The following ADAM8 variants were observed in gnomAD, a reference collection of about 807,000 sequenced individuals.
ADAM8 encodes the protein disintegrin and metalloproteinase domain-containing protein 8.
A neutral mutation model predicts 102.4 loss-of-function variants in ADAM8; 104 were observed. The observed-to-expected ratio is 1.02, with a 90% confidence interval of 0.87 to 1.20. The LOEUF is 1.20. Among genes scored for constraint, ADAM8 ranks in the 50% most tolerant of loss-of-function variants. The probability of loss-of-function intolerance (pLI) is 0.00; values close to 1 mark genes in which losing one functional copy is unlikely to be tolerated. For missense variants in ADAM8, 1,132 were observed against 1,159.0 expected, an observed-to-expected ratio of 0.98 and a Z score of 0.34; for synonymous variants, 517 against 485.2, an observed-to-expected ratio of 1.07 and a Z score of -0.86.
intron 20 of ADAM8, among the ~76,000 whole-genome samples, 187 bp downstream of exon 20, chr10:133,267,742 C>T (rs1296636200): frequency 2.6e-5 from 4 of 152,256 alleles, no homozygotes; most frequent in Non-Finnish European, 4.4e-5. Context: ...CTGGGAAGTG[C>T]CCACTCCCAA....
chr10:133,264,294 C>T (rs1159587047), intron 21 of ADAM8, among the ~76,000 whole-genome samples: 1 of 152,112 alleles, frequency 6.6e-6, no homozygotes, highest in African/African-American at 2.4e-5. Context: ...CTCCTGGGCT[C>T]AAGTGATCCT....
chr10:133,264,135 C>T (rs1288312511), intron 21 of ADAM8, among the ~76,000 whole-genome samples: 1 of 148,400 alleles, frequency 6.7e-6, no homozygotes, highest in Non-Finnish European at 1.5e-5. Flanking sequence ...GATGTTGGCT[C>T]ACTGCAGCTT....
chr10:133,276,019 C>T (rs989902580), intron 1 of ADAM8: 12 of 162,922 alleles, frequency 7.4e-5, no homozygotes, highest in African/African-American at 2.2e-4. Flanking sequence ...AAGTGCCTCC[C>T]GGAGGCTGTT....
intron 21 of ADAM8, among the ~76,000 whole-genome samples, chr10:133,266,026 C>T (rs1217261214): frequency 6.6e-6 from 1 of 152,124 alleles, no homozygotes; most frequent in African/African-American, 2.4e-5. Flanking sequence ...CCCCCGTGAC[C>T]GAAGCTGCAT....
chr10:133,269,138 A>C, intron 18 of ADAM8: 1 of 985,416 alleles, frequency 1.0e-6, no homozygotes, highest in African/African-American at 1.7e-5. Context: ...CCGGGGAGGA[A>C]ATGCTGGGTG....
chr10:133,268,181 G>A (rs532766486), intron 19 of ADAM8, 63 bp from the exon 20 acceptor site: 98 of 1,227,160 alleles, frequency 8.0e-5, no homozygotes, highest in South Asian at 2.9e-4. Context: ...ACCACACCCC[G>A]AGTCTCTCCC....
At position 133,270,783 on chromosome 10, in the gene ADAM8, G is replaced by A. The variant is rs530968981; in HGVS notation, c.1587C>T (p.Ser529=). The part of the protein sequence containing the change: ...WGPGGQAAEE[S]CFSYDILPGC... ...CTGGTAGGATGTCATAGGAGAAGCA[G>A]GACTCCTCGGCAGCCTGCCCACCTG... The change falls in exon 15 of 23, where the codon TCC becomes TCT. Residue 529 remains serine (S), a synonymous_variant. Transcript: ENST00000445355. 6.2e-7 allele frequency: 1 copy of A among 1,606,670 alleles called. No homozygotes were observed. Among genetic ancestry groups the A allele is most frequent in the Non-Finnish European group, 8.5e-7 (1 of 1,176,042 alleles).
Position 133,271,062 on chromosome 10 carries a change from C to A in ADAM8, c.1383G>T (p.Pro461=). ...GTCCQECKVK[P]AGELCRPKKD... ...TCTTGGGACGGCACAGCTCACCAGC[C>A]GGCTTCACCTGGCCCAGCAGAGAAC... Residue 461 remains proline, a synonymous_variant, in exon 14 of 23, where the codon CCG becomes CCT. Transcript: ENST00000445355. 1 of 1,610,572 alleles carries A rather than the reference C, an allele frequency of 6.2e-7. No individual in the cohort carries two copies. The highest frequency in any genetic ancestry group is 8.5e-7 in the Non-Finnish European group (1 of 1,179,182).
In ADAM8 at chr10:133,268,760, C is replaced by A. The variant is rs764039221; in HGVS notation, c.2051G>T (p.Arg684Leu). 4 of 1,609,766 alleles carry A rather than the reference C, an allele frequency of 2.5e-6. No individual in the cohort carries two copies. Among genetic ancestry groups the A allele is most frequent in the East Asian group, 4.5e-5 (2 of 44,852 alleles). The stretch of plus-strand genomic sequence containing the variant: ...CCACCACCCTCACCTGCTCAGGATG[C>A]GGCTCCGGGCTTTGCGGTAGACGAT... The part of the protein sequence containing the change: ...GIIVYRKARS[R>L]ILSRNVAPKT... The change falls in exon 19 of 23, where the codon CGC becomes CTC. Residue 684 changes from arginine (R) to leucine (L), a missense_variant. By Grantham distance (102) the Arg-to-Leu change is moderately radical. Coordinates refer to ENST00000445355, the MANE Select transcript of ADAM8 (RefSeq NM_001109.5).
At chr10:133,275,738 G>A (rs1846728433) in intron 1 of ADAM8, 151 bp from the exon 2 acceptor site, 1 of 539,862 alleles carries the variant, frequency 1.9e-6, no homozygotes, top group South Asian at 2.7e-5. Context: ...TCAAGTGAGG[G>A]TTCTGTGCCT....
Position 133,271,285 on chromosome 10 carries a change from C to CG in ADAM8, c.1288_1289insC (p.Cys430SerfsTer15). Reference sequence around the variant, plus strand: ...GGTAGAGTTGCAGCAGCGGTTCCGGCAGTCCTGGGGCGACGGCAAAGGCCT... The same window carrying CG: ...GGTAGAGTTGCAGCAGCGGTTCCGGCGAGTCCTGGGGCGACGGCAAAGGCCT... On this transcript the variant is annotated frameshift_variant, in exon 13 of 23. Transcript: ENST00000445355. LOFTEE classifies it high-confidence loss of function. 1.2e-6 allele frequency: 2 copies of CG among 1,609,880 alleles called. No individual in the cohort carries two copies. The highest frequency in any genetic ancestry group is 1.7e-6 in the Non-Finnish European group (2 of 1,179,452).
In ADAM8 at chr10:133,272,974, C is replaced by T. The variant is rs766283826; in HGVS notation, c.619G>A (p.Val207Ile). The T allele has an allele frequency of 6.2e-7, 1 of 1,612,966 alleles. No individual in the cohort carries two copies. The highest frequency in any genetic ancestry group is 8.5e-7 in the Non-Finnish European group (1 of 1,179,928). ...CAACACACCTCTGCATTGTCCACGA[C>T]CACATACAGCTCCACGTAGCGGGTC... ...RETRYVELYV[V>I]VDNAEFQMLG... The change falls in exon 7 of 23, where the codon GTC (valine) becomes ATC (isoleucine). Residue 207 changes from valine (V) to isoleucine (I), a missense_variant. Transcript: ENST00000445355.
chr10:133,263,643 G>GCCCCGTGGGGAGGCCGTGCCA, intron 22 of ADAM8, 45 bp downstream of exon 22: 1 of 244,276 alleles, frequency 4.1e-6, no homozygotes, highest in Non-Finnish European at 6.2e-6. Flanking sequence ...AGGCCGTGCC[G>GCCCCGTGGGGAGGCCGTGCCA]TCCATTGCAC....
At chr10:133,269,251 G>C (rs1352323843) in intron 18 of ADAM8, 194 bp downstream of exon 18, 2 of 927,654 alleles carry the variant, frequency 2.2e-6, no homozygotes, top group Non-Finnish European at 2.6e-6. Flanking sequence ...CCTCCCTCTG[G>C]GACAGGGCTC....
rs575623338 is a variant in ADAM8, at chr10:133,268,079, G to C, written c.2103C>G (p.Pro701=). The C allele has an allele frequency of 1.3e-5, 17 of 1,274,522 alleles. No individual in the cohort carries two copies. In the South Asian group the frequency reaches 2.6e-4, roughly 20 times the overall value. 79.0% of individuals were successfully genotyped at this position (1,274,522 alleles called of 1,614,324 possible). A position where few individuals can be genotyped will look rare whatever the true frequency, so the allele number is the denominator to read the frequency against. Residue 701 remains proline, a synonymous_variant, in exon 20 of 23, where the codon CCC becomes CCG. Coordinates refer to ENST00000445355, the MANE Select transcript of ADAM8 (RefSeq NM_001109.5). ...APKTTMGRSN[P]LFHQAASRVP... is the part of the protein sequence containing the mutation. ...CGCGGCTGGCAGCCTGGTGGAACAG[G>C]GGGTTGGAGCGCCCCATTGTGGTCT...
intron 9 of ADAM8, 48 bp downstream of exon 9, chr10:133,272,368 C>A (rs534687333): frequency 1.2e-6 from 1 of 860,692 alleles, no homozygotes. Flanking sequence ...CCACCCTGCC[C>A]GCCCTCCCTC....
At chr10:133,273,135 G>A in intron 6 of ADAM8, 116 bp from the exon 7 acceptor site, 1 of 1,584,604 alleles carries the variant, frequency 6.3e-7, no homozygotes, top group Non-Finnish European at 8.6e-7. Flanking sequence ...GCGTGGCCAG[G>A]CCTGCTCCAG....
chr10:133,275,437 G>A, intron 2 of ADAM8, 47 bp downstream of exon 2: 7 of 1,398,248 alleles, frequency 5.0e-6, no homozygotes, highest in Non-Finnish European at 6.8e-6. Flanking sequence ...CACAAAAATA[G>A]GCTCAGGGGC....
chr10:133,271,670 T>G lies in ADAM8; in HGVS notation c.1142A>C (p.Gln381Pro), dbSNP rs1199532078. ...CTCCAAAAAGCTCTCCAGGTAGGCC[T>G]GGCTGCAGTCACTGAACATCCTGGG... ...SFPRMFSDCS[Q>P]AYLESFLERP... The change falls in exon 12 of 23, where the codon CAG (glutamine) becomes CCG (proline). Residue 381 changes from glutamine to proline, a missense_variant. Physicochemically the swap from Gln to Pro is moderately conservative, Grantham distance 76. Coordinates refer to ENST00000445355, the MANE Select transcript of ADAM8 (RefSeq NM_001109.5). The G allele has an allele frequency of 1.3e-6, 2 of 1,567,770 alleles. No individual in the cohort carries two copies. The highest frequency in any genetic ancestry group is 1.7e-4 in the Middle Eastern group (1 of 5,994).
Sources: gnomAD v4.1 joint callset for allele counts (sites outside exome capture counted in the v4.1 genomes callset) on GRCh38, gnomAD v4.1.1 for gene constraint, MANE v1.5 for transcripts, NCBI Gene and HGNC (gene_info 2026-07-23, HGNC 2026-07-21) for gene names.